Variants in ADAMTSL1 observed in about 807,000 individuals in gnomAD.
The protein encoded by ADAMTSL1 is ADAMTS-like protein 1.
ADAMTSL1 carries 126 observed loss-of-function variants against 201.8 expected under a neutral mutation model. That is an observed-to-expected ratio of 0.62 (90% CI 0.54 to 0.72). ADAMTSL1 has a LOEUF of 0.72. Among genes scored for constraint, ADAMTSL1 ranks in the 30% least tolerant of loss-of-function variants. ADAMTSL1 has a pLI of 0.00. For missense variants in ADAMTSL1, 2,679 were observed against 2,277.8 expected (o/e 1.18, Z -3.59); for synonymous variants, 1,121 against 903.4 (o/e 1.24, Z -4.32).
At chr9:17,949,888 G>A (rs928860798) in intron 1 of ADAMTSL1, among the ~76,000 whole-genome samples, 1 of 152,028 alleles carries the variant, frequency 6.6e-6, no homozygotes, top group African/African-American at 2.4e-5. Flanking sequence ...GGAAAAGCAG[G>A]CTCCACCTCA....
At chr9:18,710,011 G>A (rs1038558215) in intron 14 of ADAMTSL1, among the ~76,000 whole-genome samples, 1 of 152,120 alleles carries the variant, frequency 6.6e-6, no homozygotes, top group African/African-American at 2.4e-5. Context: ...GCATATATTA[G>A]CTCTTTTGGA....
chr9:18,810,376 A>C (rs1057233180), intron 20 of ADAMTSL1, among the ~76,000 whole-genome samples: 3 of 152,234 alleles, frequency 2.0e-5, no homozygotes, highest in Non-Finnish European at 4.4e-5. Context: ...TAAAATGGCA[A>C]AGAAGAAAGA....
intron 1 of ADAMTSL1, among the ~76,000 whole-genome samples, chr9:18,125,612 T>G (rs1289153124): frequency 6.6e-6 from 1 of 152,222 alleles, no homozygotes; most frequent in Admixed American, 6.5e-5. Flanking sequence ...CATGGCGAGA[T>G]AAGGGTCCAA....
chr9:18,256,056 C>G (rs1341966086), intron 2 of ADAMTSL1, among the ~76,000 whole-genome samples: 1 of 152,084 alleles, frequency 6.6e-6, no homozygotes, highest in Non-Finnish European at 1.5e-5. Context: ...CTCTTCCAAC[C>G]GAAAAGCATA....
chr9:18,899,371 C>G (rs958500707), intron 26 of ADAMTSL1, among the ~76,000 whole-genome samples: 1 of 152,130 alleles, frequency 6.6e-6, no homozygotes, highest in Non-Finnish European at 1.5e-5. Flanking sequence ...GGCCATACTG[C>G]CCAAAGGAGT....
chr9:18,021,561 G>T (rs148336069), intron 1 of ADAMTSL1, among the ~76,000 whole-genome samples: 5 of 152,212 alleles, frequency 3.3e-5, no homozygotes, highest in Non-Finnish European at 7.4e-5. Context: ...TTGTGTCGTG[G>T]TTCCATGGGA....
At chr9:18,409,887 A>G (rs1275675011) in intron 2 of ADAMTSL1, among the ~76,000 whole-genome samples, 1 of 150,596 alleles carries the variant, frequency 6.6e-6, no homozygotes, top group African/African-American at 2.4e-5. Flanking sequence ...TATATAGTGA[A>G]AATTTGTTTC....
intron 23 of ADAMTSL1, among the ~76,000 whole-genome samples, chr9:18,838,026 T>C (rs779255115): frequency 6.6e-6 from 1 of 152,152 alleles, no homozygotes; most frequent in African/African-American, 2.4e-5. Flanking sequence ...GTTTTCATGC[T>C]GCTGTTTTCT....
At position 18,909,660 on chromosome 9, in the gene ADAMTSL1, A is replaced by C. The variant is rs202189692; in HGVS notation, c.*1112A>C. The stretch of plus-strand genomic sequence containing the variant: ...TTAACTAGTCACTGTGCCAGAGAGT[A>C]TCTGTCAGGCTGTCAGGTTGTAGCA... On this transcript the variant is annotated 3_prime_UTR_variant, in exon 29 of 29. Coordinates refer to ENST00000380548, the MANE Select transcript of ADAMTSL1 (RefSeq NM_001040272.6). 2.4e-5 allele frequency: 2 copies of C among 85,044 alleles called. No homozygotes were observed. Among genetic ancestry groups the C allele is most frequent in the East Asian group, 5.1e-4 (2 of 3,934 alleles). The allele number at this position is 85,044 out of a possible 1,614,324, so 5.3% of individuals were successfully genotyped here.
chr9:18,378,918 G>C (rs926548606), intron 2 of ADAMTSL1, among the ~76,000 whole-genome samples: 1 of 152,182 alleles, frequency 6.6e-6, no homozygotes, highest in Non-Finnish European at 1.5e-5. Flanking sequence ...GGAAGGGATA[G>C]GGTTGAGAAT....
chr9:18,422,628 C>T (rs7020763), intron 2 of ADAMTSL1, among the ~76,000 whole-genome samples: 4,528 of 152,252 alleles, frequency 0.03, 214 homozygotes, highest in African/African-American at 0.096. Context: ...TTGCGCTCAC[C>T]ATTCAGAATG....
intron 2 of ADAMTSL1, among the ~76,000 whole-genome samples, chr9:18,374,704 G>A (rs917005175): frequency 4.7e-4 from 71 of 152,210 alleles, no homozygotes; most frequent in African/African-American, 1.5e-3. Context: ...TAAAGCAAAC[G>A]CATTGTACAA....
chr9:18,074,078 G>A (rs1176169384), intron 1 of ADAMTSL1, among the ~76,000 whole-genome samples: 2 of 151,960 alleles, frequency 1.3e-5, no homozygotes, highest in Non-Finnish European at 2.9e-5. Flanking sequence ...ATTTTTTGGA[G>A]CATCTAAGAA....
intron 2 of ADAMTSL1, among the ~76,000 whole-genome samples, chr9:18,372,603 A>G (rs1366418427): frequency 1.3e-5 from 2 of 152,304 alleles, no homozygotes; most frequent in Admixed American, 6.5e-5. Flanking sequence ...TCCAAATTTC[A>G]CAAGTCTAAT....
At chr9:18,485,318 C>G (rs548932074) in intron 1 of ADAMTSL1, among the ~76,000 whole-genome samples, 57 of 152,284 alleles carry the variant, frequency 3.7e-4, no homozygotes, top group South Asian at 1.5e-3. Context: ...TAACTAAACA[C>G]ATTTAGCCTT....
intron 1 of ADAMTSL1, among the ~76,000 whole-genome samples, chr9:17,956,246 C>G (rs1827927069): frequency 6.6e-6 from 1 of 152,206 alleles, no homozygotes; most frequent in South Asian, 2.1e-4. Flanking sequence ...CAGTGTTTTG[C>G]AGAGAGATGA....
At chr9:18,724,589 G>A (rs1316718935) in intron 15 of ADAMTSL1, among the ~76,000 whole-genome samples, 1 of 152,292 alleles carries the variant, frequency 6.6e-6, no homozygotes, top group East Asian at 1.9e-4. Flanking sequence ...TGTTAGAAGA[G>A]TACTAGATTT....
chr9:18,326,483 C>G (rs915105681), intron 2 of ADAMTSL1, among the ~76,000 whole-genome samples: 11 of 150,742 alleles, frequency 7.3e-5, no homozygotes, highest in Middle Eastern at 7.0e-3. Flanking sequence ...AGACTGGTTG[C>G]TATACATTTT....
intron 1 of ADAMTSL1, among the ~76,000 whole-genome samples, chr9:18,009,249 C>A (rs967172628): frequency 1.3e-5 from 2 of 151,924 alleles, no homozygotes; most frequent in Admixed American, 6.6e-5. Flanking sequence ...TTCTGTCTTC[C>A]TTTACAACTC....
Sources: allele counts gnomAD v4.1 joint callset (sites outside exome capture counted in the v4.1 genomes callset), GRCh38; gene constraint gnomAD v4.1.1; transcripts MANE v1.5; gene names NCBI Gene and HGNC (gene_info 2026-07-23, HGNC 2026-07-21).